ELF2: variants seen among roughly 807,000 people sequenced by gnomAD.
ELF2 encodes ETS-related transcription factor Elf-2.
In ELF2, 11 loss-of-function variants were observed where a neutral mutation model predicts 54.8. The ratio of observed to expected loss-of-function variants is 0.20; its 90% CI spans 0.13 to 0.33. ELF2 has a LOEUF of 0.33. Ranked by LOEUF, ELF2 falls within the 10% of genes least tolerant of loss-of-function variation. The pLI, the probability that ELF2 is intolerant of heterozygous loss-of-function variation, is 1.00. For missense variants in ELF2, 513 were observed against 703.0 expected, an observed-to-expected ratio of 0.73 and a Z score of 3.06; for synonymous variants, 203 against 245.1, an observed-to-expected ratio of 0.83 and a Z score of 1.61.
At chr4:139,115,365 T>C in intron 4 of ELF2, 2 of 1,125,608 alleles carry the variant, frequency 1.8e-6, no homozygotes, top group South Asian at 4.0e-5. Flanking sequence ...GCGGTGCCGC[T>C]GTCCGCCATG....
chr4:139,089,183 C>T (rs1732325776), intron 4 of ELF2, among the ~76,000 whole-genome samples: 1 of 152,212 alleles, frequency 6.6e-6, no homozygotes, highest in South Asian at 2.1e-4. Flanking sequence ...GAATAACCAA[C>T]TGATACCTAA....
Position 139,072,113 on chromosome 4 carries a change from G to C in ELF2, c.353-74C>G, listed in dbSNP as rs2148695282. 5 of 1,429,662 alleles carry C rather than the reference G, an allele frequency of 3.5e-6. No homozygotes were observed. In the South Asian group the frequency reaches 3.7e-5, roughly 11 times the overall value. The allele number at this position is 1,429,662 out of a possible 1,614,324, so 88.6% of individuals were successfully genotyped here. On this transcript the variant is annotated intron_variant, in intron 5 of 9. Coordinates refer to ENST00000686138, the MANE Select transcript of ELF2 (RefSeq NM_001331036.3). ...TCTTATGTGGACAGTTCAATATTTA[G>C]AAGAGGCGAGGTGTGTTAAGAATTA... is the stretch of plus-strand genomic sequence containing the variant.
At chr4:139,084,879 T>G (rs1411906636) in intron 4 of ELF2, among the ~76,000 whole-genome samples, 1 of 152,238 alleles carries the variant, frequency 6.6e-6, no homozygotes, top group Non-Finnish European at 1.5e-5. Context: ...CTGAAAGCAT[T>G]ACTTGGAAAA....
chr4:139,152,647 T>C (rs1447900392), intron 1 of ELF2, among the ~76,000 whole-genome samples: 2 of 152,146 alleles, frequency 1.3e-5, no homozygotes, highest in African/African-American at 2.4e-5. Context: ...TTTACACTTA[T>C]GTATAGTTTA....
At chr4:139,098,473 T>TC (rs1271722158) in intron 4 of ELF2, among the ~76,000 whole-genome samples, 1 of 150,988 alleles carries the variant, frequency 6.6e-6, no homozygotes, top group East Asian at 1.9e-4. Context: ...TTAAAACTTT[T>TC]TTTTTTTTTT....
chr4:139,137,604 G>GA, intron 3 of ELF2, 26 bp downstream of exon 3: 2 of 1,604,020 alleles, frequency 1.2e-6, no homozygotes, highest in Non-Finnish European at 1.7e-6. Context: ...GAAGAAAATA[G>GA]AAATGTAATT....
chr4:139,173,855 A>AAG (rs1164821741), intron 1 of ELF2, among the ~76,000 whole-genome samples: 1 of 151,918 alleles, frequency 6.6e-6, no homozygotes, highest in South Asian at 2.1e-4. Flanking sequence ...TGAGAGGCCA[A>AAG]AGAGAGAGGA....
At chr4:139,143,272 A>G (rs1378513970) in intron 1 of ELF2, among the ~76,000 whole-genome samples, 2 of 152,186 alleles carry the variant, frequency 1.3e-5, no homozygotes, top group Non-Finnish European at 2.9e-5. Flanking sequence ...GTAAGCAAAA[A>G]GGACTATTTT....
At chr4:139,097,269 TTCTCCCA>T (rs1033403505) in intron 4 of ELF2, among the ~76,000 whole-genome samples, 3 of 151,946 alleles carry the variant, frequency 2.0e-5, no homozygotes, top group Admixed American at 6.6e-5. Context: ...GCTCAGGTGG[TTCTCCCA>T]TCTCAGCCTC....
intron 4 of ELF2, among the ~76,000 whole-genome samples, chr4:139,096,662 A>T (rs1733328767): frequency 7.0e-6 from 1 of 142,922 alleles, no homozygotes; most frequent in Non-Finnish European, 1.5e-5. Context: ...TGTAGCCAGG[A>T]GGTCTCACCA....
intron 1 of ELF2, among the ~76,000 whole-genome samples, chr4:139,171,899 G>A (rs967037223): frequency 6.6e-6 from 1 of 152,190 alleles, no homozygotes; most frequent in African/African-American, 2.4e-5. Flanking sequence ...ACTCCAGCCT[G>A]GGCGACAGAG....
chr4:139,093,697 G>A (rs1732922033), intron 4 of ELF2, among the ~76,000 whole-genome samples: 2 of 152,074 alleles, frequency 1.3e-5, no homozygotes, highest in Admixed American at 6.6e-5. Flanking sequence ...GCACTTGATA[G>A]GACTCATAAT....
rs1739930353 is a variant in ELF2 at position 139,151,081 on chromosome 4, A to AAAGAAAGAAAGAAAGAAGAAAGAAAG, written c.-251-11585_-251-11584insCTTTCTTTCTTCTTTCTTTCTTTCTT. ...GAAAGAAAGAAAGAAAGAAAGAAAG[A>AAAGAAAGAAAGAAAGAAGAAAGAAAG]AAGAAAGAAAGAAAAAGAGAGCTAT... is the stretch of plus-strand genomic sequence containing the variant. On this transcript the variant is annotated intron_variant, in intron 1 of 9. Coordinates refer to ENST00000686138, the MANE Select transcript of ELF2 (RefSeq NM_001331036.3). Among the ~76,000 whole-genome samples, 11 of 147,086 alleles carry AAAGAAAGAAAGAAAGAAGAAAGAAAG rather than the reference A, an allele frequency of 7.5e-5. 1 individual carries two copies. Among genetic ancestry groups the AAAGAAAGAAAGAAAGAAGAAAGAAAG allele is most frequent in the African/African-American group, 2.9e-4 (11 of 37,534 alleles).
chr4:139,082,939 C>G (rs1663718821), intron 4 of ELF2, among the ~76,000 whole-genome samples: 1 of 152,180 alleles, frequency 6.6e-6, no homozygotes, highest in African/African-American at 2.4e-5. Flanking sequence ...GCAGCAGTGG[C>G]GCCGCACATC....
At chr4:139,084,459 C>CGGCGGT in intron 4 of ELF2, 1 of 1,150,612 alleles carries the variant, frequency 8.7e-7, no homozygotes, top group African/African-American at 1.6e-5. Flanking sequence ...GCGGCGGCGG[C>CGGCGGT]GGCTGTGGCT....
At chr4:139,163,662 C>T (rs1741392988) in intron 1 of ELF2, among the ~76,000 whole-genome samples, 1 of 152,014 alleles carries the variant, frequency 6.6e-6, no homozygotes, top group South Asian at 2.1e-4. Context: ...GGCTGTAATC[C>T]CAGCACTTTG....
In ELF2 at chr4:139,059,251, G is replaced by A. The variant is rs1185744522; in HGVS notation, c.1514C>T (p.Thr505Ile). 5 of 1,613,906 alleles carry A rather than the reference G, an allele frequency of 3.1e-6. No homozygotes were observed. Among genetic ancestry groups the A allele is most frequent in the African/African-American group, 1.3e-5 (1 of 75,018 alleles). The change falls in exon 10 of 10, where the codon ACA becomes ATA. Residue 505 changes from threonine to isoleucine, a missense_variant. Coordinates refer to ENST00000686138, the MANE Select transcript of ELF2 (RefSeq NM_001331036.3). ...AGGCATTGATAGTCTCATTACAGGT[G>A]TACCATGGGCTATTGAAACAGGGGT... The part of the protein sequence containing the change: ...ALTPVSIAHG[T>I]PVMRLSMPTQ...
chr4:139,172,200 G>A (rs921774269), intron 1 of ELF2, among the ~76,000 whole-genome samples: 15 of 152,304 alleles, frequency 9.8e-5, no homozygotes, highest in African/African-American at 3.6e-4. Context: ...TCAACAACTG[G>A]AAATAATCGA....
At chr4:139,131,850 T>C (rs539761331) in intron 3 of ELF2, among the ~76,000 whole-genome samples, 63 of 149,064 alleles carry the variant, frequency 4.2e-4, no homozygotes, top group African/African-American at 1.5e-3. Flanking sequence ...CAAACATCCA[T>C]ACAATGAGAG....
Sources: allele counts gnomAD v4.1 joint callset (sites outside exome capture counted in the v4.1 genomes callset), GRCh38; gene constraint gnomAD v4.1.1; transcripts MANE v1.5; gene names NCBI Gene and HGNC (gene_info 2026-07-23, HGNC 2026-07-21).